PLCZ1: variants seen among roughly 807,000 people sequenced by gnomAD.
The protein encoded by PLCZ1 is phospholipase C zeta 1.
In PLCZ1, 64 loss-of-function variants were observed where a neutral mutation model predicts 76.8. The ratio of observed to expected loss-of-function variants is 0.83; its 90% confidence interval spans 0.68 to 1.03. The LOEUF (loss-of-function observed/expected upper bound fraction) is 1.03, where lower values mean the gene tolerates loss of function less well. PLCZ1 is among the 50% of genes least tolerant of loss of function. The pLI, the probability that PLCZ1 is intolerant of heterozygous loss-of-function variation, is 0.00. For missense variants in PLCZ1, 751 were observed against 713.7 expected (o/e 1.05, Z -0.60); for synonymous variants, 248 against 230.8 (o/e 1.07, Z -0.68).
chr12:18,645,761 GA>G, the PLCZ1 span, among the ~76,000 whole-genome samples: 13 of 152,146 alleles, frequency 8.5e-5, no homozygotes, highest in Non-Finnish European at 1.8e-4. Context: ...ATACAAATGA[GA>G]AAACACACAG....
intron 14 of PLCZ1, among the ~76,000 whole-genome samples, chr12:18,683,876 G>T (rs1343200273): frequency 1.3e-5 from 2 of 151,790 alleles, no homozygotes; most frequent in Non-Finnish European, 2.9e-5. Context: ...AGAAGAACTA[G>T]GATGCATGTA....
chr12:18,677,609 T>C, the PLCZ1 span, among the ~76,000 whole-genome samples: 28 of 152,128 alleles, frequency 1.8e-4, no homozygotes, highest in African/African-American at 6.7e-4. Flanking sequence ...TAGAATAACC[T>C]AAAGAATTTT....
At chr12:18,724,064 G>A (rs960910705) in intron 3 of PLCZ1, among the ~76,000 whole-genome samples, 8 of 152,080 alleles carry the variant, frequency 5.3e-5, no homozygotes, top group Non-Finnish European at 1.0e-4. Context: ...GATTCGAAAG[G>A]TCATATTTGA....
chr12:18,733,628 G>C (rs1253142783), intron 3 of PLCZ1, among the ~76,000 whole-genome samples: 1 of 152,130 alleles, frequency 6.6e-6, no homozygotes, highest in Non-Finnish European at 1.5e-5. Context: ...AATGGATTTT[G>C]AGTTGATTTT....
the PLCZ1 span, among the ~76,000 whole-genome samples, chr12:18,676,279 T>C: frequency 6.6e-6 from 1 of 152,174 alleles, no homozygotes; most frequent in Non-Finnish European, 1.5e-5. Context: ...TCTTTAGCAA[T>C]ATGAGCTAAT....
chr12:18,674,223 A>G, the PLCZ1 span, among the ~76,000 whole-genome samples: 74 of 152,350 alleles, frequency 4.9e-4, no homozygotes, highest in Admixed American at 1.2e-3. Flanking sequence ...TATAAGCCAC[A>G]TATATTAAAT....
the PLCZ1 span, among the ~76,000 whole-genome samples, chr12:18,669,428 C>G: frequency 5.9e-5 from 9 of 152,120 alleles, no homozygotes; most frequent in African/African-American, 2.2e-4. Context: ...TAATCTAATT[C>G]ATATTATCAG....
At chr12:18,669,381 A>G in the PLCZ1 span, among the ~76,000 whole-genome samples, 5,552 of 152,284 alleles carry the variant, frequency 0.036, 342 homozygotes, top group African/African-American at 0.13. Flanking sequence ...TTTATAATAA[A>G]TTGGTGTGTG....
the PLCZ1 span, among the ~76,000 whole-genome samples, chr12:18,668,239 TC>T: frequency 3.3e-5 from 5 of 152,218 alleles, no homozygotes; most frequent in African/African-American, 4.8e-5. Flanking sequence ...GCCCATTATT[TC>T]TTAAGAAGAA....
At chr12:18,695,459 A>G (rs775089043) in intron 11 of PLCZ1, among the ~76,000 whole-genome samples, 17 of 152,294 alleles carry the variant, frequency 1.1e-4, no homozygotes, top group Non-Finnish European at 2.2e-4. Flanking sequence ...TTTCAAGTCC[A>G]TGAGATGCTG....
the PLCZ1 span, among the ~76,000 whole-genome samples, chr12:18,656,053 A>G: frequency 1.3e-5 from 2 of 152,224 alleles, no homozygotes; most frequent in Admixed American, 6.5e-5. Context: ...AAATTCTAAT[A>G]TAAGTTGTTA....
intron 6 of PLCZ1, among the ~76,000 whole-genome samples, chr12:18,711,037 TA>T (rs1957248372): frequency 6.6e-6 from 1 of 152,092 alleles, no homozygotes; most frequent in African/African-American, 2.4e-5. Flanking sequence ...TTACTAGGTA[TA>T]TACCCAAAGG....
rs1381944928 is a variant in PLCZ1, at chr12:18,707,004, G to A, written c.715-1689C>T. ...GGTGGCTGCCCACATTCCTTGGCTT[G>A]TGGCCACATCTCTCTAATCTCTGTC... On this transcript the variant is annotated intron_variant, in intron 6 of 14. Transcript: ENST00000266505. Among the ~76,000 whole-genome samples the A allele has an allele frequency of 4.6e-5, 7 of 152,156 alleles. No individual in the cohort carries two copies. The East Asian group carries it at 9.7e-4, about 21-fold the overall frequency.
intron 14 of PLCZ1, chr12:18,683,649 A>G: frequency 7.4e-7 from 1 of 1,342,550 alleles, no homozygotes; most frequent in Non-Finnish European, 9.8e-7. Context: ...AAAAGTAAGC[A>G]TATTGAGACA....
the PLCZ1 span, among the ~76,000 whole-genome samples, chr12:18,667,053 C>T: frequency 6.6e-6 from 1 of 152,036 alleles, no homozygotes; most frequent in East Asian, 1.9e-4. Context: ...CAGAGTGCAT[C>T]CTCAATGCAT....
chr12:18,698,223 C>T (rs1386755302), intron 10 of PLCZ1, among the ~76,000 whole-genome samples: 1 of 133,070 alleles, frequency 7.5e-6, no homozygotes, highest in East Asian at 2.2e-4. Context: ...TTTATTATTA[C>T]TGCTTGCAAT....
chr12:18,674,643 T>G, the PLCZ1 span, among the ~76,000 whole-genome samples: 1 of 152,208 alleles, frequency 6.6e-6, no homozygotes, highest in Non-Finnish European at 1.5e-5. Context: ...AGATGAAACA[T>G]GGTCACAAAT....
At chr12:18,659,353 T>G in the PLCZ1 span, among the ~76,000 whole-genome samples, 2 of 152,124 alleles carry the variant, frequency 1.3e-5, no homozygotes, top group Non-Finnish European at 2.9e-5. Context: ...GCCATACGCT[T>G]GTAACTGGAG....
At chr12:18,701,613 TCCTCCTCC>T (rs1955932651) in intron 8 of PLCZ1, 45 bp from the exon 9 acceptor site, 1 of 41,290 alleles carries the variant, frequency 2.4e-5, no homozygotes, top group Non-Finnish European at 2.9e-5. Context: ...TTTATCCTCC[TCCTCCTCC>T]TCCTCCTCCT....
Sources: gnomAD v4.1 joint callset for allele counts (sites outside exome capture counted in the v4.1 genomes callset) on GRCh38, gnomAD v4.1.1 for gene constraint, MANE v1.5 for transcripts, NCBI Gene and HGNC (gene_info 2026-07-23, HGNC 2026-07-21) for gene names.